TENM3: variants seen among roughly 807,000 people sequenced by gnomAD.
TENM3 encodes the protein teneurin transmembrane protein 3.
Under a neutral mutation model 255.1 loss-of-function variants are expected in TENM3, and 63 were observed. That is an observed-to-expected ratio of 0.25 (90% CI 0.20 to 0.30). The LOEUF (loss-of-function observed/expected upper bound fraction) is 0.30. Ranked by LOEUF, TENM3 falls within the 10% of genes least tolerant of loss-of-function variation. TENM3 has a pLI of 1.00. For synonymous variants in TENM3, 1,306 were observed against 1,322.3 expected, an observed-to-expected ratio of 0.99 and a Z score of 0.27; for missense variants, 2,929 against 3,461.1, an observed-to-expected ratio of 0.85 and a Z score of 3.86.
chr4:182,616,913 C>T (rs937411132), intron 4 of TENM3, among the ~76,000 whole-genome samples: 2 of 152,120 alleles, frequency 1.3e-5, no homozygotes, highest in Non-Finnish European at 2.9e-5. Context: ...TGTTTAATAG[C>T]TGCCAGAAAT....
chr4:182,372,060 A>C (rs956066504), intron 3 of TENM3, among the ~76,000 whole-genome samples: 1 of 152,238 alleles, frequency 6.6e-6, no homozygotes, highest in African/African-American at 2.4e-5. Context: ...TTATATAGAT[A>C]AATTATGCAA....
intron 1 of TENM3, among the ~76,000 whole-genome samples, chr4:182,188,305 T>C (rs1296527030): frequency 6.6e-6 from 1 of 152,138 alleles, no homozygotes; most frequent in Non-Finnish European, 1.5e-5. Flanking sequence ...AGTTTCCATA[T>C]CTGTAGATGA....
chr4:181,551,806 TAATATA>T, the TENM3 span, among the ~76,000 whole-genome samples: 5 of 45,942 alleles, frequency 1.1e-4, 1 homozygote, highest in Admixed American at 7.4e-4. Context: ...AGGCAGTTAA[TAATATA>T]TATATATATA....
In TENM3 at chr4:182,800,895, A is replaced by G. The variant is rs1766901349; in HGVS notation, c.*544A>G. The G allele has an allele frequency of 6.5e-6, 1 of 152,678 alleles. No homozygotes were observed. Among genetic ancestry groups the G allele is most frequent in the African/African-American group, 2.4e-5 (1 of 41,450 alleles). The allele number at this position is 152,678 out of a possible 1,614,324, so 9.5% of individuals were successfully genotyped here. A position where few individuals can be genotyped will look rare whatever the true frequency, so the allele number is the denominator to read the frequency against. ...GTGACTTCTGCGGCGGGGATTTATT[A>G]ATGGATTTTACAATGCTAACGTGGT... On this transcript the variant is annotated 3_prime_UTR_variant, in exon 28 of 28. Coordinates refer to ENST00000511685, the MANE Select transcript of TENM3 (RefSeq NM_001080477.4).
At chr4:182,610,516 G>GA (rs1412239026) in intron 4 of TENM3, among the ~76,000 whole-genome samples, 1 of 151,936 alleles carries the variant, frequency 6.6e-6, no homozygotes, top group Admixed American at 6.6e-5. Flanking sequence ...CCCCACCTCT[G>GA]ACAAAAAAAT....
intron 4 of TENM3, among the ~76,000 whole-genome samples, chr4:182,616,008 G>C (rs72701983): frequency 0.2 from 30,473 of 152,160 alleles, 3,670 homozygotes; most frequent in Non-Finnish European, 0.27. Context: ...GAGCAGCCCC[G>C]TCAGTTGCTG....
At chr4:182,185,008 G>A (rs888947588) in intron 1 of TENM3, among the ~76,000 whole-genome samples, 7 of 152,020 alleles carry the variant, frequency 4.6e-5, no homozygotes, top group Non-Finnish European at 8.8e-5. Flanking sequence ...GCTTGAACCC[G>A]GGAGGTGGAG....
At chr4:181,976,131 G>A in the TENM3 span, 1 of 152,148 alleles carries the variant, frequency 6.6e-6, no homozygotes, top group African/African-American at 2.4e-5. Context: ...TATGACCATT[G>A]TTTTTTGAGA....
chr4:182,509,958 AT>A (rs1737225993), intron 3 of TENM3, among the ~76,000 whole-genome samples: 2 of 150,020 alleles, frequency 1.3e-5, no homozygotes, highest in South Asian at 4.2e-4. Context: ...AAAAAAAAAA[AT>A]GTAGGGAGAT....
intron 2 of TENM3, among the ~76,000 whole-genome samples, chr4:182,327,864 A>G (rs1763510966): frequency 1.3e-5 from 2 of 152,238 alleles, no homozygotes; most frequent in Admixed American, 1.3e-4. Context: ...GCATAGGATC[A>G]TCCCACAGCT....
intron 1 of TENM3, among the ~76,000 whole-genome samples, chr4:182,269,774 AG>A (rs1337641095): frequency 5.9e-5 from 9 of 152,132 alleles, no homozygotes; most frequent in African/African-American, 2.2e-4. Context: ...AGATTTAAAG[AG>A]GTTTATTCTG....
chr4:182,558,771 G>A (rs535002089), intron 3 of TENM3, among the ~76,000 whole-genome samples: 57 of 152,204 alleles, frequency 3.7e-4, no homozygotes, highest in African/African-American at 1.3e-3. Flanking sequence ...GTCCTGATTT[G>A]TCATTAGATA....
chr4:182,762,880 C>T (rs774206617), intron 22 of TENM3, among the ~76,000 whole-genome samples: 16 of 151,736 alleles, frequency 1.1e-4, no homozygotes, highest in Admixed American at 9.2e-4. Context: ...TCCCCTACCC[C>T]ATCATCACCA....
At chr4:181,462,833 T>C in the TENM3 span, among the ~76,000 whole-genome samples, 2 of 152,190 alleles carry the variant, frequency 1.3e-5, no homozygotes, top group Admixed American at 1.3e-4. Flanking sequence ...ATGCTCAACG[T>C]TGGCTTACTT....
At chr4:181,971,359 G>A in the TENM3 span, among the ~76,000 whole-genome samples, 2 of 152,244 alleles carry the variant, frequency 1.3e-5, no homozygotes, top group Non-Finnish European at 2.9e-5. Context: ...GACAAAAAAT[G>A]GAGGGAGGAA....
the TENM3 span, among the ~76,000 whole-genome samples, chr4:182,130,690 G>GT: frequency 0.37 from 55,199 of 148,770 alleles, 10,839 homozygotes; most frequent in Non-Finnish European, 0.45. Flanking sequence ...CCTGTATGCC[G>GT]TTTTTTTTTT....
chr4:182,221,064 G>C (rs1053418362), intron 1 of TENM3, among the ~76,000 whole-genome samples: 1 of 152,180 alleles, frequency 6.6e-6, no homozygotes, highest in African/African-American at 2.4e-5. Context: ...TGGTTGTTCT[G>C]TGTGTGTGCT....
At chr4:181,961,631 A>G in the TENM3 span, among the ~76,000 whole-genome samples, 283 of 152,238 alleles carry the variant, frequency 1.9e-3, no homozygotes, top group South Asian at 3.9e-3. Context: ...GTGTTAGCCA[A>G]GATGGTCTCG....
At chr4:181,985,397 A>G in the TENM3 span, among the ~76,000 whole-genome samples, 2 of 152,000 alleles carry the variant, frequency 1.3e-5, no homozygotes, top group African/African-American at 4.8e-5. Flanking sequence ...TGCTTTACTG[A>G]TATCAGGTCA....
Sources: gnomAD v4.1 joint callset for allele counts (sites outside exome capture counted in the v4.1 genomes callset) on GRCh38, gnomAD v4.1.1 for gene constraint, MANE v1.5 for transcripts, NCBI Gene and HGNC (gene_info 2026-07-23, HGNC 2026-07-21) for gene names.